SUGCT: variants seen among roughly 807,000 people sequenced by gnomAD.
SUGCT encodes succinyl-CoA:glutarate-CoA transferase.
A neutral mutation model predicts 55.0 loss-of-function variants in SUGCT; 41 were observed. The ratio of observed to expected loss-of-function variants is 0.74; its 90% CI spans 0.58 to 0.97. The LOEUF is 0.97. SUGCT is among the 50% of genes least tolerant of loss of function. SUGCT has a pLI of 0.00. For missense variants in SUGCT, 568 were observed against 547.8 expected, an observed-to-expected ratio of 1.04 and a Z score of -0.37; for synonymous variants, 187 against 200.4, an observed-to-expected ratio of 0.93 and a Z score of 0.56.
chr7:40,325,053 T>G (rs993376824), intron 9 of SUGCT, among the ~76,000 whole-genome samples: 3 of 152,210 alleles, frequency 2.0e-5, no homozygotes, highest in Admixed American at 1.3e-4. Flanking sequence ...GGTGGGGACA[T>G]TATACTGTAT....
chr7:40,691,377 C>T (rs1249234241), intron 12 of SUGCT, among the ~76,000 whole-genome samples: 1 of 151,752 alleles, frequency 6.6e-6, no homozygotes, highest in Non-Finnish European at 1.5e-5. Context: ...TGGATCATAC[C>T]CAGAAGCCAT....
chr7:40,462,659 A>G (rs1423972706), intron 11 of SUGCT, among the ~76,000 whole-genome samples: 1 of 152,174 alleles, frequency 6.6e-6, no homozygotes, highest in Non-Finnish European at 1.5e-5. Context: ...AGTCTCTCAC[A>G]TATTCAACAA....
At chr7:40,495,925 G>T (rs181111727) in intron 11 of SUGCT, among the ~76,000 whole-genome samples, 38 of 152,148 alleles carry the variant, frequency 2.5e-4, no homozygotes. Flanking sequence ...ATCCTAACCC[G>T]ATTTCCACTA....
At chr7:40,249,319 A>ATC (rs1562612016) in intron 7 of SUGCT, among the ~76,000 whole-genome samples, 17 of 39,762 alleles carry the variant, frequency 4.3e-4, no homozygotes, top group Non-Finnish European at 9.6e-4. Context: ...AAAGCTATAT[A>ATC]TATATATATA....
At chr7:40,695,352 C>T (rs896768265) in intron 12 of SUGCT, among the ~76,000 whole-genome samples, 3 of 151,900 alleles carry the variant, frequency 2.0e-5, no homozygotes, top group African/African-American at 7.3e-5. Context: ...CACGTGCCAC[C>T]ATGCCTGGCT....
chr7:40,802,204 A>C (rs1046388740), intron 13 of SUGCT, among the ~76,000 whole-genome samples: 2 of 152,100 alleles, frequency 1.3e-5, no homozygotes, highest in Admixed American at 1.3e-4. Context: ...AGACCAGACA[A>C]ATGAATTGAA....
At chr7:40,903,475 C>T in the SUGCT span, among the ~76,000 whole-genome samples, 13 of 152,144 alleles carry the variant, frequency 8.5e-5, no homozygotes, top group Admixed American at 8.5e-4. Flanking sequence ...GTCTGTTGAG[C>T]CAGAAGTCCA....
chr7:40,588,599 T>C (rs763497808), intron 12 of SUGCT, among the ~76,000 whole-genome samples: 1 of 152,308 alleles, frequency 6.6e-6, no homozygotes, highest in African/African-American at 2.4e-5. Flanking sequence ...CTATAAACAA[T>C]ATTAATTAAT....
chr7:40,990,834 T>C, the SUGCT span, among the ~76,000 whole-genome samples: 1 of 152,326 alleles, frequency 6.6e-6, no homozygotes, highest in South Asian at 2.1e-4. Flanking sequence ...AGCTTCAAAT[T>C]TTTCTTCTAC....
At chr7:40,634,165 C>T (rs1426861724) in intron 12 of SUGCT, among the ~76,000 whole-genome samples, 4 of 152,118 alleles carry the variant, frequency 2.6e-5, no homozygotes, top group Non-Finnish European at 5.9e-5. Flanking sequence ...AATAGAGTTT[C>T]ACTGATAAAG....
intron 13 of SUGCT, among the ~76,000 whole-genome samples, chr7:40,831,360 A>G (rs1396173375): frequency 6.6e-6 from 1 of 152,170 alleles, no homozygotes; most frequent in African/African-American, 2.4e-5. Flanking sequence ...CAGAGGAGCA[A>G]TAGCCTTCAT....
intron 13 of SUGCT, among the ~76,000 whole-genome samples, chr7:40,755,245 C>T (rs1422439611): frequency 6.6e-6 from 1 of 152,076 alleles, no homozygotes; most frequent in East Asian, 1.9e-4. Context: ...GGATAGAAAC[C>T]ACCGGTTTAG....
chr7:40,732,414 A>G (rs1315167094), intron 12 of SUGCT, among the ~76,000 whole-genome samples: 1 of 152,226 alleles, frequency 6.6e-6, no homozygotes. Flanking sequence ...TTTCTAAATA[A>G]GGTAACATAA....
At chr7:40,398,527 T>C (rs1350204997) in intron 9 of SUGCT, among the ~76,000 whole-genome samples, 3 of 151,828 alleles carry the variant, frequency 2.0e-5, no homozygotes, top group Non-Finnish European at 4.4e-5. Flanking sequence ...TTTTTTTTTT[T>C]TTTTTCTAAT....
At chr7:40,389,948 G>T (rs1011299991) in intron 9 of SUGCT, among the ~76,000 whole-genome samples, 3 of 152,154 alleles carry the variant, frequency 2.0e-5, no homozygotes, top group African/African-American at 7.2e-5. Flanking sequence ...GATCAAGTGG[G>T]CTTCATCCCT....
At chr7:40,433,429 A>G (rs187908825) in intron 9 of SUGCT, among the ~76,000 whole-genome samples, 129 of 152,134 alleles carry the variant, frequency 8.5e-4, no homozygotes, top group African/African-American at 3.0e-3. Context: ...GTAAGATGCC[A>G]TTAGGAATGA....
intron 12 of SUGCT, among the ~76,000 whole-genome samples, chr7:40,592,874 A>T (rs1014442881): frequency 2.6e-5 from 4 of 152,162 alleles, no homozygotes; most frequent in Non-Finnish European, 5.9e-5. Context: ...GAGGTCAGGG[A>T]TATCAGTTGT....
chr7:40,370,874 A>C (rs555152808), intron 9 of SUGCT, among the ~76,000 whole-genome samples: 1 of 152,252 alleles, frequency 6.6e-6, no homozygotes, highest in Non-Finnish European at 1.5e-5. Flanking sequence ...TAAACTAATA[A>C]CAATAGGCTT....
chr7:40,815,629 G>A (rs1032654471), intron 13 of SUGCT, among the ~76,000 whole-genome samples: 1 of 152,202 alleles, frequency 6.6e-6, no homozygotes, highest in Non-Finnish European at 1.5e-5. Flanking sequence ...GGAGCAGAAA[G>A]GGCCTCTCTG....
Sources: gnomAD v4.1 joint callset for allele counts (sites outside exome capture counted in the v4.1 genomes callset) on GRCh38, gnomAD v4.1.1 for gene constraint, MANE v1.5 for transcripts, NCBI Gene and HGNC (gene_info 2026-07-23, HGNC 2026-07-21) for gene names.